OBSL1: variants seen among roughly 807,000 people sequenced by gnomAD.
OBSL1 encodes the protein obscurin-like protein 1.
In OBSL1, 160 loss-of-function variants were observed where a neutral mutation model predicts 172.0. That is an observed-to-expected ratio of 0.93 (90% confidence interval 0.82 to 1.06). The LOEUF (loss-of-function observed/expected upper bound fraction) is 1.06. Ranked by LOEUF, OBSL1 falls within the 50% of genes least tolerant of loss-of-function variation. The pLI, the probability that OBSL1 is intolerant of heterozygous loss-of-function variation, is 0.00. For synonymous variants in OBSL1, 1,200 were observed against 1,196.3 expected (o/e 1.00, Z -0.06); for missense variants, 2,681 against 2,715.4 (o/e 0.99, Z 0.28).
chr2:219,567,219 G>T, intron 4 of OBSL1, 54 bp downstream of exon 4: 1 of 1,556,538 alleles, frequency 6.4e-7, no homozygotes. Context: ...GACCAGCACT[G>T]AGGGCTGGGG....
rs1056216220 is a variant in OBSL1, at chr2:219,568,431, GC to G, written c.1013-108del. 69 of 1,112,298 alleles carry G rather than the reference GC, an allele frequency of 6.2e-5. No homozygotes were observed. Among genetic ancestry groups the G allele is most frequent in the Non-Finnish European group, 7.5e-5 (60 of 800,198 alleles). 68.9% of individuals were successfully genotyped at this position (1,112,298 alleles called of 1,614,324 possible). On this transcript the variant is annotated intron_variant, in intron 1 of 20. Coordinates refer to ENST00000404537, the MANE Select transcript of OBSL1 (RefSeq NM_015311.3). The surrounding 1 kb of genome is among the most constrained non-coding windows in gnomAD (Gnocchi z 4.1). ...TCATGCTGTGTGCTCTTCATGCAGAGCCAGCGGGCACTGTGGAATCACAGAA... is the reference window on the plus strand; with the variant it reads ...TCATGCTGTGTGCTCTTCATGCAGAGCAGCGGGCACTGTGGAATCACAGAA...
rs1297192222 is a variant in OBSL1 at position 219,568,992 on chromosome 2, G to A, written c.1013-668C>T. On this transcript the variant is annotated intron_variant, in intron 1 of 20. Transcript: ENST00000404537. This position sits in a 1 kb window ranked among gnomAD's most constrained non-coding sequence, Gnocchi z 4.1. ...TCGAACTCCTGACCTCAAATGATCCGCCCACCTTAGTCTCCCAAAGTGCTG... is the reference window on the plus strand; with the variant it reads ...TCGAACTCCTGACCTCAAATGATCCACCCACCTTAGTCTCCCAAAGTGCTG... 1.3e-5 allele frequency among the ~76,000 whole-genome samples: 2 copies of A among 150,536 alleles called. No homozygotes were observed. Among genetic ancestry groups the A allele is most frequent in the Non-Finnish European group, 1.5e-5 (1 of 67,780 alleles).
chr2:219,547,584 G>A (rs758654363), downstream of OBSL1: 13 of 1,468,546 alleles, frequency 8.9e-6, no homozygotes, highest in Middle Eastern at 1.9e-4. Context: ...CTCTGCTACC[G>A]AGAGCGGGTG....
At chr2:219,563,814 A>G (rs771733604) in intron 6 of OBSL1, among the ~76,000 whole-genome samples, 187 bp from the exon 7 acceptor site, 1 of 152,088 alleles carries the variant, frequency 6.6e-6, no homozygotes. Flanking sequence ...ATGGCAGGAG[A>G]TCATGTGGCA....
Position 219,566,924 on chromosome 2 carries a change from T to C in OBSL1, c.2040A>G (p.Arg680=). 3 of 1,613,262 alleles carry C rather than the reference T, an allele frequency of 1.9e-6. No homozygotes were observed. Among genetic ancestry groups the C allele is most frequent in the South Asian group, 1.1e-5 (1 of 91,068 alleles). Residue 680 remains arginine (R), a synonymous_variant, in exon 5 of 21, where the codon AGA becomes AGG. Coordinates refer to ENST00000404537, the MANE Select transcript of OBSL1 (RefSeq NM_015311.3). ...YRIEQKGLQH[R]LILHAVKHQD... is the part of the protein sequence containing the mutation. ...GGTGCTTGACGGCATGCAGGATGAG[T>C]CTGTGCTGCAGACCCTTCTGCTCTA...
chr2:219,551,041 G>A (rs1471388902), intron 20 of OBSL1, 199 bp from the exon 21 acceptor site: 5 of 1,436,756 alleles, frequency 3.5e-6, no homozygotes, highest in Non-Finnish European at 4.6e-6. Context: ...GGCACCTGAA[G>A]GGAATGCTGG....
Position 219,563,478 on chromosome 2 carries a change from C to T in OBSL1, c.2557G>A (p.Val853Met), listed in dbSNP as rs374405158. ...TGGGGCCCCTCATTCTCCAGCACCA[C>T]GAAGTCACTCTCCTCCACCTCCTGC... ...DGQEVEESDF[V>M]VLENEGPHRR... Residue 853 changes from valine (V) to methionine (M), a missense_variant, in exon 7 of 21, where the codon GTG becomes ATG. Val to Met is a conservative substitution (Grantham distance 21). This residue lies in a region of OBSL1 where 1,765 missense variants were observed against 1,748.3 expected (regional missense o/e 1.01). Transcript: ENST00000404537. 1.1e-5 allele frequency: 17 copies of T among 1,613,912 alleles called. No individual in the cohort carries two copies. Among genetic ancestry groups the T allele is most frequent in the Middle Eastern group, 1.6e-4 (1 of 6,062 alleles).
chr2:219,568,303 C>T lies in OBSL1; in HGVS notation c.1034G>A (p.Arg345Gln), dbSNP rs781161790. ...HVKEPRLRFT[R>Q]PLQDVEGREH... ...ACGGCCCTCCACGTCCTGCAGGGGC[C>T]GTGTGAACCGGAGGCGGGGCTCTGT... Residue 345 changes from arginine to glutamine, a missense_variant, in exon 2 of 21, where the codon CGG becomes CAG. By Grantham distance (43) the Arg-to-Gln change is conservative. This residue lies in a region of OBSL1 where 706 missense variants were observed against 695.8 expected (regional missense o/e 1.01). Coordinates refer to ENST00000404537, the MANE Select transcript of OBSL1 (RefSeq NM_015311.3). This position sits in a 1 kb window ranked among gnomAD's most constrained non-coding sequence, Gnocchi z 4.1. 10 of 1,606,014 alleles carry T rather than the reference C, an allele frequency of 6.2e-6. No individual in the cohort carries two copies. In the Admixed American group the frequency reaches 6.8e-5, roughly 11 times the overall value.
At position 219,568,529 on chromosome 2, in the gene OBSL1, A is replaced by C. The variant is rs1697103180; in HGVS notation, c.1013-205T>G. On this transcript the variant is annotated intron_variant, in intron 1 of 20. Transcript: ENST00000404537. This position sits in a 1 kb window ranked among gnomAD's most constrained non-coding sequence, Gnocchi z 4.1. ...ATCCAGCCCTGACACTAGCCACATC[A>C]CCTTAAGCAAGTCCATTTCAATGCT... 6.6e-6 allele frequency among the ~76,000 whole-genome samples: 1 copy of C among 152,114 alleles called. No individual in the cohort carries two copies. The highest frequency in any genetic ancestry group is 2.4e-5 in the African/African-American group (1 of 41,416).
At chr2:219,550,649 C>G (rs1695551216), downstream of OBSL1, 1 of 715,870 alleles carries the variant, frequency 1.4e-6, no homozygotes, top group Non-Finnish European at 2.3e-6. Flanking sequence ...CACTACAGCC[C>G]TCGGTCCCCA....
intron 15 of OBSL1, chr2:219,554,101 G>A (rs765278808): frequency 2.5e-5 from 10 of 400,304 alleles, no homozygotes; most frequent in Admixed American, 7.7e-5. Flanking sequence ...GAGTGGTCAC[G>A]GGGCCCACAC....
rs376301208 is a variant in OBSL1, at chr2:219,565,235, T to C, written c.2407+7A>G. 1.2e-6 allele frequency: 2 copies of C among 1,604,026 alleles called. No individual in the cohort carries two copies. Among genetic ancestry groups the C allele is most frequent in the African/African-American group, 2.7e-5 (2 of 74,734 alleles). On this transcript the variant is annotated splice_region_variant and intron_variant, in intron 6 of 20. Coordinates refer to ENST00000404537, the MANE Select transcript of OBSL1 (RefSeq NM_015311.3). ...CTGGAGGAGCCCAGGCTGGCATGCT[T>C]CCTGACCTTGGACAGTGACGCCGAA...
Position 219,567,059 on chromosome 2 carries a change from G to T in OBSL1, c.1905C>A (p.Phe635Leu). ...VQVYDGEDAV[F>L]SLDLSTIIQG... ...GGATGATGGTGGAGAGATCGAGGGA[G>T]AAGACGGCATCTTCCCCGTCGTATA... The change falls in exon 5 of 21, where the codon TTC (phenylalanine) becomes TTA (leucine). Residue 635 changes from phenylalanine to leucine, a missense_variant. This residue lies in a region of OBSL1 where 53 missense variants were observed against 85.5 expected (regional missense o/e 0.62). Coordinates refer to ENST00000404537, the MANE Select transcript of OBSL1 (RefSeq NM_015311.3). 6.2e-7 allele frequency: 1 copy of T among 1,613,328 alleles called. No individual in the cohort carries two copies. The highest frequency in any genetic ancestry group is 8.5e-7 in the Non-Finnish European group (1 of 1,179,786).
chr2:219,559,358 C>A lies in OBSL1; in HGVS notation c.3093G>T (p.Glu1031Asp), dbSNP rs1696291799. 6.2e-7 allele frequency: 1 copy of A among 1,613,952 alleles called. No individual in the cohort carries two copies. Among genetic ancestry groups the A allele is most frequent in the Non-Finnish European group, 8.5e-7 (1 of 1,179,874 alleles). The change falls in exon 9 of 21, where the codon GAG becomes GAT. Residue 1031 changes from glutamate (E) to aspartate (D), a missense_variant. Physicochemically the swap from Glu to Asp is conservative, Grantham distance 45. Around this residue, in one of 5 missense-constraint regions of OBSL1, gnomAD observed 1,765 missense variants for 1,748.3 expected, o/e 1.01. Coordinates refer to ENST00000404537, the MANE Select transcript of OBSL1 (RefSeq NM_015311.3). Reference sequence around the variant, plus strand: ...CCCTCTCCAGCACCAGGGCCTCGCTCTCCTCCACTTCCAGCCCATCCTTGT... The same window carrying A: ...CCCTCTCCAGCACCAGGGCCTCGCTATCCTCCACTTCCAGCCCATCCTTGT... ...RWYKDGLEVE[E>D]SEALVLERDG...
downstream of OBSL1, chr2:219,550,645 A>G (rs1695550959): frequency 1.5e-6 from 1 of 687,798 alleles, no homozygotes; most frequent in Non-Finnish European, 2.4e-6. Flanking sequence ...CAAGCACTAC[A>G]GCCCTCGGTC....
Position 219,570,394 on chromosome 2 carries a change from T to G in OBSL1, c.839A>C (p.His280Pro). Reference protein sequence around the residue: ...MGKPEPEIEWHWEGRPLLPDR... With the variant: ...MGKPEPEIEWPWEGRPLLPDR... ...CGGGAGCAGCGGGCGGCCCTCCCAG[T>G]GCCATTCGATCTCGGGCTCGGGCTT... Residue 280 changes from histidine to proline, a missense_variant, in exon 1 of 21, where the codon CAC becomes CCC. His to Pro is a moderately conservative substitution (Grantham distance 77). Around this residue, in one of 5 missense-constraint regions of OBSL1, gnomAD observed 706 missense variants for 695.8 expected, o/e 1.01. Coordinates refer to ENST00000404537, the MANE Select transcript of OBSL1 (RefSeq NM_015311.3). 1 of 1,613,154 alleles carries G rather than the reference T, an allele frequency of 6.2e-7. No homozygotes were observed. Among genetic ancestry groups the G allele is most frequent in the Non-Finnish European group, 8.5e-7 (1 of 1,179,586 alleles).
At position 219,570,672 on chromosome 2, in the gene OBSL1, G is replaced by A; in HGVS notation, c.561C>T (p.Gly187=). The A allele has an allele frequency of 1.3e-6, 2 of 1,508,030 alleles. No individual in the cohort carries two copies. Among genetic ancestry groups the A allele is most frequent in the Non-Finnish European group, 1.8e-6 (2 of 1,134,370 alleles). 93.4% of individuals were successfully genotyped at this position (1,508,030 alleles called of 1,614,324 possible). Residue 187 remains glycine (G), a synonymous_variant, in exon 1 of 21, where the codon GGC becomes GGT. Transcript: ENST00000404537. ...TGCGCAGTGCCAGGCTCGCGCCGGG[G>A]CCGTCCTCGGCGCGGCCCGGCTGGA... ...FALQPGRAED[G]PGASLALRIL...
Position 219,570,459 on chromosome 2 carries a change from G to T in OBSL1, c.774C>A (p.Asn258Lys). The T allele has an allele frequency of 1.2e-6, 2 of 1,613,084 alleles. No homozygotes were observed. The highest frequency in any genetic ancestry group is 1.7e-6 in the Non-Finnish European group (2 of 1,179,562). ...LKCAPKTFWVNEGKHAKFRCY... is the reference protein window; with the variant it reads ...LKCAPKTFWVKEGKHAKFRCY... ...AGCGGAACTTGGCGTGCTTGCCCTC[G>T]TTCACCCAGAAGGTCTTAGGCGCGC... Residue 258 changes from asparagine to lysine, a missense_variant, in exon 1 of 21, where the codon AAC becomes AAA. Coordinates refer to ENST00000404537, the MANE Select transcript of OBSL1 (RefSeq NM_015311.3).
Position 219,570,806 on chromosome 2 carries a change from C to A in OBSL1, c.427G>T (p.Ala143Ser), listed in dbSNP as rs1167697649. The A allele has an allele frequency of 4.7e-6, 7 of 1,490,484 alleles. No homozygotes were observed. Among genetic ancestry groups the A allele is most frequent in the Non-Finnish European group, 6.2e-6 (7 of 1,127,622 alleles). The allele number at this position is 1,490,484 out of a possible 1,614,324, so 92.3% of individuals were successfully genotyped here. ...GCCCGGCACGTCAGCACCACCTCCG[C>A]CCCCCGCAGCACCCACTGGGATCGA... is the stretch of plus-strand genomic sequence containing the variant. ...GPRSQWVLRGAEVVLTCRAGG... is the reference protein window; with the variant it reads ...GPRSQWVLRGSEVVLTCRAGG... Residue 143 changes from alanine (A) to serine (S), a missense_variant, in exon 1 of 21, where the codon GCG becomes TCG. Ala to Ser is a moderately conservative substitution (Grantham distance 99). This residue lies in a region of OBSL1 where 706 missense variants were observed against 695.8 expected (regional missense o/e 1.01). Transcript: ENST00000404537.
Sources: gnomAD v4.1 joint callset for allele counts (sites outside exome capture counted in the v4.1 genomes callset) on GRCh38, gnomAD v4.1.1 for gene constraint, gnomAD v4.1.1 regional missense constraint, Gnocchi (gnomAD v3.1) non-coding constraint, MANE v1.5 for transcripts, NCBI Gene and HGNC (gene_info 2026-07-23, HGNC 2026-07-21) for gene names.